RIMS2: variants seen among roughly 807,000 people sequenced by gnomAD.
The protein encoded by RIMS2 is regulating synaptic membrane exocytosis protein 2.
Under a neutral mutation model 174.4 loss-of-function variants are expected in RIMS2, and 59 were observed. That is an observed-to-expected ratio of 0.34 (90% CI 0.27 to 0.42). The LOEUF (loss-of-function observed/expected upper bound fraction) is 0.42. RIMS2 is among the 10% of genes least tolerant of loss of function. The pLI is 1.00. For synonymous variants in RIMS2, 606 were observed against 572.5 expected, an observed-to-expected ratio of 1.06 and a Z score of -0.84; for missense variants, 1,620 against 1,666.3, an observed-to-expected ratio of 0.97 and a Z score of 0.48.
At chr8:103,888,749 A>G (rs529221813) in intron 4 of RIMS2, among the ~76,000 whole-genome samples, 1 of 151,776 alleles carries the variant, frequency 6.6e-6, no homozygotes, top group African/African-American at 2.4e-5. Context: ...TATTTGAAAC[A>G]AATTAGCAAA....
intron 2 of RIMS2, among the ~76,000 whole-genome samples, chr8:103,719,986 GACA>G (rs1228711787): frequency 2.6e-5 from 4 of 152,168 alleles, no homozygotes; most frequent in African/African-American, 9.6e-5. Flanking sequence ...TATCTCTTGA[GACA>G]ACACTAGATA....
At chr8:103,624,870 G>GATACATAC (rs35806731) in intron 1 of RIMS2, among the ~76,000 whole-genome samples, 1 of 151,672 alleles carries the variant, frequency 6.6e-6, no homozygotes, top group African/African-American at 2.4e-5. Context: ...AATATTTACA[G>GATACATAC]ATACATACAT....
At chr8:104,063,424 G>T (rs75588661) in intron 19 of RIMS2, among the ~76,000 whole-genome samples, 2,015 of 152,216 alleles carry the variant, frequency 0.013, 26 homozygotes, top group Middle Eastern at 0.11. Flanking sequence ...AAACCTTCAT[G>T]AAACAGCTAG....
intron 19 of RIMS2, among the ~76,000 whole-genome samples, chr8:104,035,417 TTTAA>T (rs1195596756): frequency 6.6e-6 from 1 of 151,908 alleles, no homozygotes; most frequent in Non-Finnish European, 1.5e-5. Flanking sequence ...CATTATTTGC[TTTAA>T]TTAATATATT....
chr8:104,181,087 T>A (rs1173273342), intron 19 of RIMS2, among the ~76,000 whole-genome samples: 2 of 151,694 alleles, frequency 1.3e-5, no homozygotes, highest in African/African-American at 2.4e-5. Flanking sequence ...GTTAAACAGT[T>A]TTAATCTGTT....
intron 3 of RIMS2, among the ~76,000 whole-genome samples, chr8:103,797,006 A>C (rs886977062): frequency 2.0e-5 from 3 of 152,062 alleles, no homozygotes; most frequent in Non-Finnish European, 4.4e-5. Context: ...AACAGTTTAT[A>C]ATTTTAAATA....
At chr8:104,111,799 C>T (rs1666493913) in intron 19 of RIMS2, among the ~76,000 whole-genome samples, 1 of 152,148 alleles carries the variant, frequency 6.6e-6, no homozygotes, top group Admixed American at 6.5e-5. Flanking sequence ...AGCTCTAGAA[C>T]TCCCTTTTAT....
chr8:103,579,890 A>G (rs2093499217), intron 1 of RIMS2, among the ~76,000 whole-genome samples: 1 of 152,186 alleles, frequency 6.6e-6, no homozygotes, highest in African/African-American at 2.4e-5. Flanking sequence ...ATGTCTTCAA[A>G]TGGTGGCAGG....
intron 1 of RIMS2, chr8:103,568,654 G>C (rs1213054371): frequency 1.6e-6 from 1 of 636,892 alleles, no homozygotes; most frequent in African/African-American, 1.8e-5. Flanking sequence ...ATCTTTTCTA[G>C]AAGCATTTCC....
At chr8:103,871,919 C>G (rs1231330232) in intron 3 of RIMS2, among the ~76,000 whole-genome samples, 1 of 152,062 alleles carries the variant, frequency 6.6e-6, no homozygotes, top group Non-Finnish European at 1.5e-5. Flanking sequence ...AATGTCAGAC[C>G]CTACTTTAGG....
intron 3 of RIMS2, among the ~76,000 whole-genome samples, chr8:103,834,151 A>G (rs551278915): frequency 1.3e-5 from 2 of 152,208 alleles, no homozygotes; most frequent in South Asian, 4.1e-4. Flanking sequence ...CTGGAACTAC[A>G]GGCATGCATC....
chr8:103,606,703 T>C (rs930639141), intron 1 of RIMS2, among the ~76,000 whole-genome samples: 2 of 152,160 alleles, frequency 1.3e-5, no homozygotes, highest in African/African-American at 4.8e-5. Flanking sequence ...GGTGCATATA[T>C]ATTTAGGATA....
chr8:103,811,650 TG>T (rs1367782035), intron 3 of RIMS2, among the ~76,000 whole-genome samples: 11 of 152,274 alleles, frequency 7.2e-5, no homozygotes, highest in African/African-American at 2.6e-4. Context: ...TTCACCATGT[TG>T]GCCAGGCTGG....
intron 19 of RIMS2, among the ~76,000 whole-genome samples, chr8:104,130,407 G>A (rs2098465143): frequency 6.6e-6 from 1 of 152,144 alleles, no homozygotes; most frequent in South Asian, 2.1e-4. Flanking sequence ...TACCCAAAAT[G>A]AAAATGATTC....
At chr8:103,717,867 C>T (rs960525246) in intron 2 of RIMS2, among the ~76,000 whole-genome samples, 6 of 152,164 alleles carry the variant, frequency 3.9e-5, no homozygotes, top group African/African-American at 1.4e-4. Flanking sequence ...GTTCTAGTCA[C>T]ATATAGCTAG....
At chr8:103,714,001 A>G (rs1035656880) in intron 2 of RIMS2, among the ~76,000 whole-genome samples, 1 of 152,166 alleles carries the variant, frequency 6.6e-6, no homozygotes, top group Non-Finnish European at 1.5e-5. Context: ...TCTGGATTTA[A>G]GCATCATCTC....
intron 19 of RIMS2, among the ~76,000 whole-genome samples, chr8:104,138,312 A>T (rs180867098): frequency 6.6e-6 from 1 of 152,300 alleles, no homozygotes; most frequent in Admixed American, 6.5e-5. Context: ...TTTCTGGATA[A>T]TATGGTAGTT....
At chr8:103,582,824 A>C (rs1359287025) in intron 1 of RIMS2, among the ~76,000 whole-genome samples, 1 of 152,210 alleles carries the variant, frequency 6.6e-6, no homozygotes, top group Non-Finnish European at 1.5e-5. Context: ...CCTGGCCCCC[A>C]GATGGCACCT....
chr8:103,564,699 CCTG>C (rs2132099294), intron 1 of RIMS2, among the ~76,000 whole-genome samples: 1 of 152,310 alleles, frequency 6.6e-6, no homozygotes, highest in East Asian at 1.9e-4. Context: ...CGTTCTTCTG[CCTG>C]CTTTTATCCT....
Sources: gnomAD v4.1 joint callset for allele counts (sites outside exome capture counted in the v4.1 genomes callset) on GRCh38, gnomAD v4.1.1 for gene constraint, MANE v1.5 for transcripts, NCBI Gene and HGNC (gene_info 2026-07-23, HGNC 2026-07-21) for gene names.